The following STXBP4 variants were observed in gnomAD, a reference collection of about 807,000 sequenced individuals.
STXBP4 encodes syntaxin binding protein 4.
STXBP4 carries 55 observed loss-of-function variants against 76.1 expected under a neutral mutation model. That is an observed-to-expected ratio of 0.72 (90% CI 0.58 to 0.91). The LOEUF is 0.91. Among genes scored for constraint, STXBP4 ranks in the 40% least tolerant of loss-of-function variants. The pLI, the probability that STXBP4 is intolerant of heterozygous loss-of-function variation, is 0.00. For synonymous variants in STXBP4, 201 were observed against 220.2 expected, an observed-to-expected ratio of 0.91 and a Z score of 0.77; for missense variants, 618 against 636.9, an observed-to-expected ratio of 0.97 and a Z score of 0.32.
chr17:55,161,020 C>T lies in STXBP4; in HGVS notation c.*1109C>T, dbSNP rs1285903804. The stretch of plus-strand genomic sequence containing the variant: ...CAAGATGGAAGCCTAAAGCCCAAGT[C>T]GAGCAGCTCCCAGCACTGCTGTGCA... On this transcript the variant is annotated 3_prime_UTR_variant, in exon 18 of 18. Transcript: ENST00000376352. The T allele has an allele frequency of 2.0e-5, 3 of 152,194 alleles. No individual in the cohort carries two copies. The highest frequency in any genetic ancestry group is 4.4e-5 in the Non-Finnish European group (3 of 68,064). 9.4% of individuals were successfully genotyped at this position (152,194 alleles called of 1,614,324 possible). A position where few individuals can be genotyped will look rare whatever the true frequency, so the allele number is the denominator to read the frequency against.
At chr17:55,041,228 C>CTTTTT (rs373020633) in intron 10 of STXBP4, among the ~76,000 whole-genome samples, 4 of 122,232 alleles carry the variant, frequency 3.3e-5, no homozygotes, top group Admixed American at 8.7e-5. Context: ...TTTATTTAAA[C>CTTTTT]TTTTTTTTTT....
the STXBP4 span, among the ~76,000 whole-genome samples, chr17:55,185,923 C>G: frequency 4.6e-5 from 7 of 152,312 alleles, no homozygotes; most frequent in Admixed American, 2.6e-4. Context: ...GTTTGGGAAG[C>G]TGTAAATGGC....
the STXBP4 span, among the ~76,000 whole-genome samples, chr17:55,192,173 A>G: frequency 1.3e-5 from 2 of 152,196 alleles, no homozygotes; most frequent in African/African-American, 2.4e-5. Flanking sequence ...GTGAATTGAT[A>G]AAAAGACAAA....
chr17:55,145,996 C>A (rs1245883122), intron 17 of STXBP4, among the ~76,000 whole-genome samples: 28 of 152,118 alleles, frequency 1.8e-4, no homozygotes, highest in Non-Finnish European at 1.8e-4. Context: ...TACCCAACTT[C>A]TTATCTTTTT....
At chr17:54,976,560 C>G (rs902771543) in intron 1 of STXBP4, among the ~76,000 whole-genome samples, 1 of 152,118 alleles carries the variant, frequency 6.6e-6, no homozygotes, top group Non-Finnish European at 1.5e-5. Context: ...CCAGGGGTAC[C>G]CAGTCCTTAG....
At chr17:54,976,120 A>C (rs1424894162) in intron 1 of STXBP4, among the ~76,000 whole-genome samples, 2 of 152,140 alleles carry the variant, frequency 1.3e-5, no homozygotes, top group African/African-American at 4.8e-5. Flanking sequence ...AATTGTACTG[A>C]GTTAAAAATT....
intron 8 of STXBP4, among the ~76,000 whole-genome samples, chr17:55,024,892 C>T (rs957129711): frequency 2.0e-5 from 3 of 152,104 alleles, no homozygotes; most frequent in African/African-American, 7.2e-5. Context: ...AATCCCAGCA[C>T]TTTGGGAGGC....
intron 11 of STXBP4, chr17:55,043,790 C>A: frequency 1.5e-6 from 1 of 645,256 alleles, no homozygotes; most frequent in South Asian, 2.5e-5. Flanking sequence ...CACACATATC[C>A]CAAATATACT....
rs536150179 is a variant in STXBP4, at chr17:55,073,130, G to A, written c.1188+54G>A. 146 of 1,547,576 alleles carry A rather than the reference G, an allele frequency of 9.4e-5. 1 individual carries two copies. In the South Asian group the frequency reaches 1.6e-3, roughly 17 times the overall value. On this transcript the variant is annotated intron_variant, in intron 13 of 17. Transcript: ENST00000376352. ...ACCATGGTTTCCTTGCCGTTGTCAT[G>A]TATCCTGTTTTCATTTTCTTTTCAT...
the STXBP4 span, among the ~76,000 whole-genome samples, chr17:55,209,691 T>C: frequency 6.6e-6 from 1 of 152,238 alleles, no homozygotes; most frequent in African/African-American, 2.4e-5. Flanking sequence ...AACTAGTCAA[T>C]GCTGTTTCAT....
intron 16 of STXBP4, among the ~76,000 whole-genome samples, chr17:55,125,606 T>G (rs1275497254): frequency 2.0e-5 from 3 of 152,056 alleles, no homozygotes; most frequent in African/African-American, 7.2e-5. Flanking sequence ...TTTGTCCTAC[T>G]TTTAGATTGT....
intron 8 of STXBP4, among the ~76,000 whole-genome samples, chr17:55,016,855 A>C (rs2078217080): frequency 6.6e-6 from 1 of 152,168 alleles, no homozygotes; most frequent in Non-Finnish European, 1.5e-5. Flanking sequence ...TTTGACTTAG[A>C]ATAATTCTGA....
At chr17:54,992,424 A>C (rs1000179616) in intron 4 of STXBP4, among the ~76,000 whole-genome samples, 3 of 151,986 alleles carry the variant, frequency 2.0e-5, no homozygotes, top group African/African-American at 7.2e-5. Flanking sequence ...CAAAAAAAAA[A>C]AAAAAGTATT....
chr17:55,127,227 A>G (rs1463005222), intron 16 of STXBP4, among the ~76,000 whole-genome samples: 2 of 152,202 alleles, frequency 1.3e-5, no homozygotes, highest in Non-Finnish European at 2.9e-5. Context: ...TGGAATAAAT[A>G]GACTATTAAG....
intron 16 of STXBP4, among the ~76,000 whole-genome samples, chr17:55,120,089 G>A (rs2079826878): frequency 6.6e-6 from 1 of 152,038 alleles, no homozygotes; most frequent in Non-Finnish European, 1.5e-5. Flanking sequence ...ATAAGTTAAA[G>A]GTGTTCTTCC....
At chr17:55,101,246 G>A (rs1598313216) in intron 16 of STXBP4, among the ~76,000 whole-genome samples, 1 of 152,102 alleles carries the variant, frequency 6.6e-6, no homozygotes, top group Admixed American at 6.6e-5. Flanking sequence ...TCTTCTGTTG[G>A]AATAAGGGAT....
chr17:55,014,322 A>G (rs1472225755), intron 8 of STXBP4, among the ~76,000 whole-genome samples: 1 of 152,058 alleles, frequency 6.6e-6, no homozygotes, highest in Non-Finnish European at 1.5e-5. Flanking sequence ...TCCTTCTCCT[A>G]TGTTCAGGTG....
chr17:55,109,125 T>C (rs2079676386), intron 16 of STXBP4, among the ~76,000 whole-genome samples: 1 of 152,204 alleles, frequency 6.6e-6, no homozygotes, highest in South Asian at 2.1e-4. Context: ...GCTTGTTGAT[T>C]TGAAACCTTC....
At chr17:55,116,490 G>T (rs1038251029) in intron 16 of STXBP4, among the ~76,000 whole-genome samples, 15 of 151,828 alleles carry the variant, frequency 9.9e-5, no homozygotes, top group African/African-American at 3.4e-4. Context: ...CACTTAATTG[G>T]TATTTAAAAC....
Sources: allele counts gnomAD v4.1 joint callset (sites outside exome capture counted in the v4.1 genomes callset), GRCh38; gene constraint gnomAD v4.1.1; transcripts MANE v1.5; gene names NCBI Gene and HGNC (gene_info 2026-07-23, HGNC 2026-07-21).